Variants in NCR1 observed in about 807,000 individuals in gnomAD.
NCR1 encodes natural cytotoxicity triggering receptor 1, also known as NK cell-activating receptor.
In NCR1, 30 loss-of-function variants were observed where a neutral mutation model predicts 32.5. The ratio of observed to expected loss-of-function variants is 0.92; its 90% CI spans 0.69 to 1.25. The LOEUF (loss-of-function observed/expected upper bound fraction) is 1.25, where lower values mean the gene tolerates loss of function less well. NCR1 is among the 50% of genes most tolerant of loss of function. NCR1 has a pLI of 0.00. For missense variants in NCR1, 369 were observed against 380.7 expected (o/e 0.97, Z 0.26); for synonymous variants, 169 against 143.4 (o/e 1.18, Z -1.28).
chr19:54,908,835 G>C (rs1484460937), intron 3 of NCR1, among the ~76,000 whole-genome samples: 1 of 151,858 alleles, frequency 6.6e-6, no homozygotes, highest in Non-Finnish European at 1.5e-5. Context: ...TCACCATGTT[G>C]ACCAGGCTGG....
chr19:54,918,887 G>A (rs1602082890), downstream of NCR1, among the ~76,000 whole-genome samples: 1 of 151,824 alleles, frequency 6.6e-6, no homozygotes, highest in East Asian at 1.9e-4. Context: ...GGGAGGCTGA[G>A]GTTGGAGAAT....
downstream of NCR1, among the ~76,000 whole-genome samples, chr19:54,914,473 G>C (rs2146100635): frequency 6.6e-6 from 1 of 151,954 alleles, no homozygotes; most frequent in South Asian, 2.1e-4. Context: ...TGAATAGCTG[G>C]GATTATAGGC....
intron 3 of NCR1, among the ~76,000 whole-genome samples, chr19:54,907,414 G>A (rs1212531409): frequency 2.3e-4 from 34 of 148,508 alleles, no homozygotes; most frequent in Non-Finnish European, 4.5e-4. Context: ...CCCTCCCAAA[G>A]TGCTGGGATT....
At chr19:54,923,665 T>C in the NCR1 span, 7 of 1,515,836 alleles carry the variant, frequency 4.6e-6, no homozygotes, top group Non-Finnish European at 6.4e-6. Flanking sequence ...TGTGACCCTC[T>C]GACCTGCATT....
the NCR1 span, among the ~76,000 whole-genome samples, chr19:54,937,708 G>T: frequency 1.3e-5 from 2 of 151,976 alleles, no homozygotes; most frequent in Non-Finnish European, 2.9e-5. Flanking sequence ...GATCAGCCTG[G>T]GCAACACGGT....
chr19:54,915,561 A>G (rs1384488416), downstream of NCR1, among the ~76,000 whole-genome samples: 1 of 152,212 alleles, frequency 6.6e-6, no homozygotes, highest in Non-Finnish European at 1.5e-5. Flanking sequence ...CTGAGGCAGC[A>G]GAATCACTTG....
At chr19:54,909,032 T>G (rs1602049770) in intron 3 of NCR1, among the ~76,000 whole-genome samples, 1 of 148,576 alleles carries the variant, frequency 6.7e-6, no homozygotes, top group Non-Finnish European at 1.5e-5. Flanking sequence ...CTGCCAGGCA[T>G]GGTGGCAGGC....
chr19:54,923,534 T>C, the NCR1 span: 1 of 633,428 alleles, frequency 1.6e-6, no homozygotes, highest in Non-Finnish European at 2.8e-6. Context: ...CTAACTTTAT[T>C]ATCCCTGTGA....
chr19:54,926,446 A>G, the NCR1 span, among the ~76,000 whole-genome samples: 1 of 152,126 alleles, frequency 6.6e-6, no homozygotes, highest in East Asian at 1.9e-4. Context: ...ACACACTCCC[A>G]AAAAAACTCT....
chr19:54,912,934 C>T lies in NCR1; in HGVS notation c.*63C>T, dbSNP rs544815553. On this transcript the variant is annotated 3_prime_UTR_variant, in exon 7 of 7. Coordinates refer to ENST00000291890, the MANE Select transcript of NCR1 (RefSeq NM_004829.7). ...GAAAGCTGGTGTTGAGCCTGGGCGGCGTGAGCTCTGTGTTGGACCCACGGA... is the reference window on the plus strand; with the variant it reads ...GAAAGCTGGTGTTGAGCCTGGGCGGTGTGAGCTCTGTGTTGGACCCACGGA... 13 of 1,534,894 alleles carry T rather than the reference C, an allele frequency of 8.5e-6. No individual in the cohort carries two copies. The highest frequency in any genetic ancestry group is 3.8e-5 in the Admixed American group (2 of 53,274).
At chr19:54,936,521 G>C in the NCR1 span, 2 of 1,151,924 alleles carry the variant, frequency 1.7e-6, no homozygotes, top group East Asian at 2.4e-5. Flanking sequence ...TTCACATTTA[G>C]AAATTATTAG....
intron 3 of NCR1, 123 bp from the exon 4 acceptor site, chr19:54,909,122 A>T: frequency 2.1e-6 from 2 of 935,614 alleles, no homozygotes; most frequent in South Asian, 3.6e-5. Flanking sequence ...GTGAGCCAAG[A>T]TCGTGTCACT....
downstream of NCR1, among the ~76,000 whole-genome samples, chr19:54,916,482 C>A (rs1311856513): frequency 6.6e-6 from 1 of 150,586 alleles, no homozygotes; most frequent in East Asian, 2.0e-4. Flanking sequence ...CCACGCCCGG[C>A]TAATTTTTGT....
At chr19:54,936,180 G>A in the NCR1 span, 4 of 1,295,504 alleles carry the variant, frequency 3.1e-6, no homozygotes, top group Non-Finnish European at 4.5e-6. Flanking sequence ...ATCTGGAGTG[G>A]TTACCCTTTT....
At chr19:54,930,670 C>T in the NCR1 span, 3 of 1,612,962 alleles carry the variant, frequency 1.9e-6, no homozygotes, top group Non-Finnish European at 2.5e-6. Flanking sequence ...CTGTAACCTA[C>T]AGGATAATCA....
the NCR1 span, chr19:54,934,584 C>A: frequency 6.2e-7 from 1 of 1,614,166 alleles, no homozygotes; most frequent in Middle Eastern, 1.7e-4. This position sits in a 1 kb window ranked among gnomAD's most constrained non-coding sequence, Gnocchi z 6.7. Flanking sequence ...GACGCAGGTG[C>A]TTCAGGGACT....
upstream of NCR1, among the ~76,000 whole-genome samples, chr19:54,904,531 C>CTTTTTTTTTTTTTTTTTTTT (rs1556717280): frequency 8.4e-6 from 1 of 118,978 alleles, no homozygotes; most frequent in Non-Finnish European, 1.8e-5. Flanking sequence ...GTTTTCTTTT[C>CTTTTTTTTTTTTTTTTTTTT]TTTTTTTTTT....
intron 3 of NCR1, among the ~76,000 whole-genome samples, chr19:54,907,091 C>T (rs966295458): frequency 1.3e-5 from 2 of 151,758 alleles, no homozygotes; most frequent in Non-Finnish European, 2.9e-5. Flanking sequence ...AAAAACAATG[C>T]CTGTGGGCCA....
At chr19:54,919,328 G>A (rs1353401212), downstream of NCR1, among the ~76,000 whole-genome samples, 1 of 152,234 alleles carries the variant, frequency 6.6e-6, no homozygotes, top group African/African-American at 2.4e-5. Flanking sequence ...TGGATACAAG[G>A]CAGAAGGGGC....
Sources: gnomAD v4.1 joint callset for allele counts (sites outside exome capture counted in the v4.1 genomes callset) on GRCh38, gnomAD v4.1.1 for gene constraint, Gnocchi (gnomAD v3.1) non-coding constraint, MANE v1.5 for transcripts, NCBI Gene and HGNC (gene_info 2026-07-23, HGNC 2026-07-21) for gene names.